Variants in DMRT1 observed in about 807,000 individuals in gnomAD.
DMRT1 encodes the protein doublesex and mab-3 related transcription factor 1.
Under a neutral mutation model 32.3 loss-of-function variants are expected in DMRT1, and 7 were observed. That is an observed-to-expected ratio of 0.22 (90% CI 0.12 to 0.41). The LOEUF (loss-of-function observed/expected upper bound fraction) is 0.41, where lower values mean the gene tolerates loss of function less well. DMRT1 is among the 10% of genes least tolerant of loss of function. DMRT1 has a pLI of 1.00. For synonymous variants in DMRT1, 278 were observed against 206.1 expected (o/e 1.35, Z -2.99); for missense variants, 625 against 500.5 (o/e 1.25, Z -2.37).
At position 841,706 on chromosome 9, in the gene DMRT1, G is replaced by C; in HGVS notation, c.-133G>C. On this transcript the variant is annotated 5_prime_UTR_variant, in exon 1 of 5. Coordinates refer to ENST00000382276, the MANE Select transcript of DMRT1 (RefSeq NM_021951.3). ...GTGCCCAGACCTCGCCACTCCAGCT[G>C]CGCCTCCGGCTGCAGCGCACACGTC... 2.0e-6 allele frequency: 3 copies of C among 1,533,970 alleles called. No homozygotes were observed. The highest frequency in any genetic ancestry group is 2.6e-6 in the Non-Finnish European group (3 of 1,139,826).
chr9:921,579 A>T (rs1179851489), intron 4 of DMRT1, among the ~76,000 whole-genome samples: 3 of 152,164 alleles, frequency 2.0e-5, no homozygotes, highest in Non-Finnish European at 2.9e-5. Flanking sequence ...TGTTTTTCAC[A>T]GCAGCTGCAT....
chr9:879,344 A>G (rs995395543), intron 2 of DMRT1, among the ~76,000 whole-genome samples: 3 of 152,254 alleles, frequency 2.0e-5, no homozygotes, highest in East Asian at 1.9e-4. Flanking sequence ...ACCTCTTAGC[A>G]TACGTAACAT....
intron 2 of DMRT1, among the ~76,000 whole-genome samples, chr9:879,097 G>C (rs1212249467): frequency 6.6e-6 from 1 of 152,102 alleles, no homozygotes; most frequent in Non-Finnish European, 1.5e-5. Flanking sequence ...AACCCTGAGA[G>C]CCAGCTCAGA....
At chr9:908,558 A>G (rs1007145918) in intron 3 of DMRT1, among the ~76,000 whole-genome samples, 1 of 152,000 alleles carries the variant, frequency 6.6e-6, no homozygotes, top group Admixed American at 6.6e-5. Context: ...CTTGTGTTCA[A>G]TTTTGGTTCT....
At chr9:895,051 G>A (rs933029407) in intron 3 of DMRT1, 1 of 152,184 alleles carries the variant, frequency 6.6e-6, no homozygotes, top group South Asian at 2.1e-4. Flanking sequence ...CTGACCTCAG[G>A]TGATCCGCCC....
At chr9:891,462 TAAAC>T (rs915602364) in intron 2 of DMRT1, among the ~76,000 whole-genome samples, 6 of 139,018 alleles carry the variant, frequency 4.3e-5, no homozygotes, top group African/African-American at 8.0e-5. Context: ...AATAAGTAAA[TAAAC>T]AAAATAAAAG....
chr9:922,044 C>G (rs1489997077), intron 4 of DMRT1, among the ~76,000 whole-genome samples: 2 of 98,688 alleles, frequency 2.0e-5, no homozygotes, highest in Middle Eastern at 6.9e-3. Flanking sequence ...CAACGCCCAG[C>G]TAATTTTTTT....
chr9:901,002 T>TTC (rs1009761291), intron 3 of DMRT1, among the ~76,000 whole-genome samples: 4 of 144,688 alleles, frequency 2.8e-5, no homozygotes, highest in African/African-American at 1.1e-4. Flanking sequence ...CTACTTCAGT[T>TTC]TTTTTTTTTT....
chr9:880,342 A>C (rs915189927), intron 2 of DMRT1, among the ~76,000 whole-genome samples: 1 of 152,188 alleles, frequency 6.6e-6, no homozygotes, highest in African/African-American at 2.4e-5. Context: ...CTGCTTCATC[A>C]AGGGTGTCTT....
chr9:891,691 T>C (rs1208132436), intron 2 of DMRT1, among the ~76,000 whole-genome samples: 5 of 151,288 alleles, frequency 3.3e-5, no homozygotes, highest in African/African-American at 1.2e-4. Context: ...ATTTTTTTTT[T>C]TTTTTGGTAT....
At chr9:930,062 C>G (rs1245849154) in intron 4 of DMRT1, among the ~76,000 whole-genome samples, 1 of 152,174 alleles carries the variant, frequency 6.6e-6, no homozygotes, top group Non-Finnish European at 1.5e-5. Context: ...AAGTCTTCCT[C>G]ATAAACCTAA....
intron 4 of DMRT1, among the ~76,000 whole-genome samples, chr9:944,040 G>C (rs1819162919): frequency 6.6e-6 from 1 of 152,030 alleles, no homozygotes; most frequent in Non-Finnish European, 1.5e-5. Flanking sequence ...ATATAAACTT[G>C]GGCACCATTT....
In DMRT1 at chr9:968,883, C is replaced by T. The variant is rs1820021521; in HGVS notation, c.*744C>T. On this transcript the variant is annotated 3_prime_UTR_variant, in exon 5 of 5. Transcript: ENST00000382276. ...TGGAAAAAAATGGATGCAGTCTGGACTGTTGTAACCTTAGGTTGTAATCTG... is the reference window on the plus strand; with the variant it reads ...TGGAAAAAAATGGATGCAGTCTGGATTGTTGTAACCTTAGGTTGTAATCTG... 1 of 152,610 alleles carries T rather than the reference C, an allele frequency of 6.6e-6. No individual in the cohort carries two copies. The highest frequency in any genetic ancestry group is 2.4e-5 in the African/African-American group (1 of 41,440). 9.5% of individuals were successfully genotyped at this position (152,610 alleles called of 1,614,324 possible). A position where few individuals can be genotyped will look rare whatever the true frequency, so the allele number is the denominator to read the frequency against.
intron 4 of DMRT1, among the ~76,000 whole-genome samples, chr9:959,346 G>T (rs1819696204): frequency 6.6e-6 from 1 of 152,182 alleles, no homozygotes; most frequent in South Asian, 2.1e-4. Flanking sequence ...GGGGCCTTTG[G>T]CCTGGGCTGA....
At chr9:845,551 A>G (rs920015809) in intron 1 of DMRT1, among the ~76,000 whole-genome samples, 4 of 151,986 alleles carry the variant, frequency 2.6e-5, no homozygotes, top group Admixed American at 2.6e-4. Flanking sequence ...GACCATGAAG[A>G]GCTTCTTGGG....
intron 2 of DMRT1, among the ~76,000 whole-genome samples, chr9:865,165 G>A (rs191009510): frequency 3.9e-5 from 6 of 152,134 alleles, no homozygotes; most frequent in Non-Finnish European, 7.4e-5. Flanking sequence ...AATGGTATAT[G>A]GCTTGATCAA....
rs191211984 is a variant in DMRT1 at position 877,612 on chromosome 9, C to T, written c.539-16300C>T. ...TTTGAACAGAACTCCTCCTCCCATT[C>T]CAAAAAAAGAAGCTAAATATGGAAT... On this transcript the variant is annotated intron_variant, in intron 2 of 4. Coordinates refer to ENST00000382276, the MANE Select transcript of DMRT1 (RefSeq NM_021951.3). 1.2e-4 allele frequency among the ~76,000 whole-genome samples: 19 copies of T among 152,188 alleles called. No homozygotes were observed. In the East Asian group the frequency reaches 2.9e-3, roughly 23 times the overall value.
chr9:932,249 A>G (rs1465540379), intron 4 of DMRT1, among the ~76,000 whole-genome samples: 1 of 152,216 alleles, frequency 6.6e-6, no homozygotes, highest in East Asian at 1.9e-4. Flanking sequence ...AATGCTCTGC[A>G]TAACCTTAAA....
At chr9:861,058 T>C (rs1179840372) in intron 2 of DMRT1, among the ~76,000 whole-genome samples, 6 of 150,974 alleles carry the variant, frequency 4.0e-5, no homozygotes, top group African/African-American at 1.5e-4. Flanking sequence ...TTCTTTTTTT[T>C]TTTTTTTTTT....
Sources: allele counts gnomAD v4.1 joint callset (sites outside exome capture counted in the v4.1 genomes callset), GRCh38; gene constraint gnomAD v4.1.1; transcripts MANE v1.5; gene names NCBI Gene and HGNC (gene_info 2026-07-23, HGNC 2026-07-21).